LPAR6: variants seen among roughly 807,000 people sequenced by gnomAD.
The protein encoded by LPAR6 is lysophosphatidic acid receptor 6, also known as G-protein coupled purinergic receptor P2Y5.
LPAR6 carries 17 observed loss-of-function variants against 22.0 expected under a neutral mutation model. The observed-to-expected ratio is 0.77, with a 90% confidence interval of 0.53 to 1.16. The LOEUF (loss-of-function observed/expected upper bound fraction) is 1.16, where lower values mean the gene tolerates loss of function less well. Ranked by LOEUF, LPAR6 falls within the 50% of genes most tolerant of loss-of-function variation. LPAR6 has a pLI of 0.00. For missense variants in LPAR6, 384 were observed against 406.9 expected, an observed-to-expected ratio of 0.94 and a Z score of 0.48; for synonymous variants, 136 against 139.8, an observed-to-expected ratio of 0.97 and a Z score of 0.19.
intron 1 of LPAR6, among the ~76,000 whole-genome samples, chr13:48,395,276 C>T (rs1025124724): frequency 1.3e-5 from 2 of 152,126 alleles, no homozygotes; most frequent in Non-Finnish European, 1.5e-5. Flanking sequence ...GTAGATAAAT[C>T]CATGAAGATG....
At position 48,402,392 on chromosome 13, in the gene LPAR6, T is replaced by TTTTTTTTTA. The variant is rs56707206; in HGVS notation, n.115-12581_115-12580insTAAAAAAAA. ...CTTGTAGAAAACCTTTTTTTTTTTT[T>TTTTTTTTTA]AAACAGATGAGTCTCACTCTGTTTT... is the stretch of plus-strand genomic sequence containing the variant. On this transcript the variant is annotated intron_variant and non_coding_transcript_variant, in intron 1 of 1. Transcript: ENST00000462781. 3.3e-5 allele frequency among the ~76,000 whole-genome samples: 5 copies of TTTTTTTTTA among 150,618 alleles called. No homozygotes were observed. In the East Asian group the frequency reaches 5.8e-4, roughly 18 times the overall value.
At chr13:48,409,570 ATTTTTTTTTT>A (rs5803435), downstream of LPAR6, among the ~76,000 whole-genome samples, 12 of 59,668 alleles carry the variant, frequency 2.0e-4, no homozygotes, top group African/African-American at 3.9e-4. Context: ...GAACTGCTTG[ATTTTTTTTTT>A]TTTTTTTTTT....
At chr13:48,395,849 A>G (rs1404644371) in intron 1 of LPAR6, among the ~76,000 whole-genome samples, 2 of 152,190 alleles carry the variant, frequency 1.3e-5, no homozygotes, top group Non-Finnish European at 2.9e-5. Flanking sequence ...CCAACAAAAC[A>G]GGCCAACATT....
upstream of LPAR6, among the ~76,000 whole-genome samples, chr13:48,414,558 G>A (rs1948876026): frequency 6.6e-6 from 1 of 151,566 alleles, no homozygotes; most frequent in South Asian, 2.1e-4. Context: ...TTTTTAATTT[G>A]GTCTAGTTTA....
chr13:48,431,127 G>A (rs1949125554), upstream of LPAR6, among the ~76,000 whole-genome samples: 1 of 108,284 alleles, frequency 9.2e-6, no homozygotes, highest in South Asian at 4.2e-4. Context: ...AAACAAGTCT[G>A]TTAGAACAAA....
rs749894411 is a variant in LPAR6 at position 48,411,605 on chromosome 13, G to T, written c.819C>A (p.Tyr273Ter). The T allele has an allele frequency of 1.9e-6, 3 of 1,611,766 alleles. No individual in the cohort carries two copies. Among genetic ancestry groups the T allele is most frequent in the Non-Finnish European group, 2.5e-6 (3 of 1,178,070 alleles). The change falls in exon 1 of 1, where the codon TAC becomes TAA. Residue 273 changes from tyrosine (Y) to a stop codon, truncating the protein, a stop_gained. Coordinates refer to ENST00000620633, the MANE Select transcript of LPAR6 (RefSeq NM_001162498.3). LOFTEE classifies it high-confidence loss of function. ...CSVVAAVRTM[Y>*]PITLCIAVSN... is the part of the protein sequence containing the mutation. ...AAACAGCAATACAGAGAGTGATTGG[G>T]TACATTGTCCTTACTGCTGCCACTA...
In LPAR6 at chr13:48,411,150, AT is replaced by A; in HGVS notation, c.*238del. 27 of 391,784 alleles carry A rather than the reference AT, an allele frequency of 6.9e-5. No individual in the cohort carries two copies. The highest frequency in any genetic ancestry group is 1.7e-4 in the East Asian group (4 of 23,474). The allele number at this position is 391,784 out of a possible 1,614,324, so 24.3% of individuals were successfully genotyped here. Reference sequence around the variant, plus strand: ...TTTAGACACTAAATAACTTTAAGAGATTTTTTTTAATGAAGGAACAAATCAA... The same window carrying A: ...TTTAGACACTAAATAACTTTAAGAGATTTTTTTAATGAAGGAACAAATCAA... On this transcript the variant is annotated 3_prime_UTR_variant, in exon 1 of 1. Coordinates refer to ENST00000620633, the MANE Select transcript of LPAR6 (RefSeq NM_001162498.3).
rs1304745795 is a variant in LPAR6 at position 48,391,772 on chromosome 13, C to A, written n.115-1960G>T. Among the ~76,000 whole-genome samples the A allele has an allele frequency of 5.9e-5, 9 of 152,000 alleles. 1 individual carries two copies. The highest frequency in any genetic ancestry group is 5.9e-4 in the Admixed American group (9 of 15,252). On this transcript the variant is annotated intron_variant and non_coding_transcript_variant, in intron 1 of 1. Transcript: ENST00000462781. ...TAGCTGGGATTACAGGCACACGCCA[C>A]CATGCCTAGCTAATTTTTATATTTT...
chr13:48,426,793 T>C (rs1185991177), intron 1 of LPAR6: 1 of 152,212 alleles, frequency 6.6e-6, no homozygotes, highest in Non-Finnish European at 1.5e-5. Flanking sequence ...CGTTCTTGCA[T>C]TGCTGTAAAG....
chr13:48,431,859 T>C (rs1320969278), upstream of LPAR6, among the ~76,000 whole-genome samples: 2 of 152,254 alleles, frequency 1.3e-5, no homozygotes, highest in Non-Finnish European at 2.9e-5. Flanking sequence ...TTCCTGCTTA[T>C]GTTGTCTTCA....
At chr13:48,430,140 T>G (rs1318339270), upstream of LPAR6, among the ~76,000 whole-genome samples, 1 of 152,218 alleles carries the variant, frequency 6.6e-6, no homozygotes, top group Non-Finnish European at 1.5e-5. Context: ...TATTAGACTT[T>G]TAACAGGTCA....
chr13:48,419,649 T>G (rs992630420), intron 2 of LPAR6, among the ~76,000 whole-genome samples: 1 of 151,786 alleles, frequency 6.6e-6, no homozygotes, highest in South Asian at 2.1e-4. Context: ...GCCAGGCTAA[T>G]AAAGAAGAAA....
chr13:48,420,454 G>A (rs1396493683), intron 2 of LPAR6, among the ~76,000 whole-genome samples: 1 of 152,196 alleles, frequency 6.6e-6, no homozygotes, highest in Non-Finnish European at 1.5e-5. Flanking sequence ...AAAGCTGGAA[G>A]CATTCCCTTT....
chr13:48,394,793 G>T (rs539521972), intron 1 of LPAR6, among the ~76,000 whole-genome samples: 2 of 152,206 alleles, frequency 1.3e-5, no homozygotes, highest in African/African-American at 2.4e-5. Context: ...CAGAGCACGT[G>T]GGGGAAGGCG....
chr13:48,416,951 G>A (rs1948921434), upstream of LPAR6, among the ~76,000 whole-genome samples: 1 of 152,164 alleles, frequency 6.6e-6, no homozygotes, highest in Non-Finnish European at 1.5e-5. Context: ...CATCTCCCTG[G>A]GACAGAGCAC....
At chr13:48,423,349 A>G (rs1949033975) in intron 1 of LPAR6, among the ~76,000 whole-genome samples, 2 of 152,096 alleles carry the variant, frequency 1.3e-5, no homozygotes, top group African/African-American at 4.8e-5. Context: ...ATCTCGGCTC[A>G]CTGCAACCTC....
At chr13:48,394,953 A>T (rs572981385) in intron 1 of LPAR6, among the ~76,000 whole-genome samples, 170 of 152,322 alleles carry the variant, frequency 1.1e-3, no homozygotes, top group Middle Eastern at 3.4e-3. Flanking sequence ...CCTGACTGGG[A>T]AACACCTCCT....
chr13:48,390,729 A>G (rs982240928), intron 1 of LPAR6, among the ~76,000 whole-genome samples: 1 of 152,174 alleles, frequency 6.6e-6, no homozygotes, highest in African/African-American at 2.4e-5. Context: ...TATCCCTCGT[A>G]ATATTGTTTG....
chr13:48,397,448 A>G (rs983732308), intron 1 of LPAR6, among the ~76,000 whole-genome samples: 2 of 152,148 alleles, frequency 1.3e-5, no homozygotes, highest in Non-Finnish European at 2.9e-5. Context: ...AACAGTGAGA[A>G]CACATGGACA....
Sources: allele counts gnomAD v4.1 joint callset (sites outside exome capture counted in the v4.1 genomes callset), GRCh38; gene constraint gnomAD v4.1.1; transcripts MANE v1.5; gene names NCBI Gene and HGNC (gene_info 2026-07-23, HGNC 2026-07-21).